The following PPARD variants were observed in gnomAD, a reference collection of about 807,000 sequenced individuals.
PPARD encodes peroxisome proliferator activated receptor delta, also known as peroxisome proliferator-activated receptor delta.
PPARD carries 6 observed loss-of-function variants against 39.5 expected under a neutral mutation model. The ratio of observed to expected loss-of-function variants is 0.15; its 90% CI spans 0.08 to 0.30. The LOEUF is 0.30. Ranked by LOEUF, PPARD falls within the 10% of genes least tolerant of loss-of-function variation. PPARD has a pLI of 1.00. For synonymous variants in PPARD, 210 were observed against 231.3 expected (o/e 0.91, Z 0.83); for missense variants, 397 against 596.8 (o/e 0.67, Z 3.49).
chr6:35,357,116 A>G (rs189880773), intron 2 of PPARD, among the ~76,000 whole-genome samples: 3 of 152,316 alleles, frequency 2.0e-5, no homozygotes, highest in Non-Finnish European at 2.9e-5. Flanking sequence ...CAGAGGTGCC[A>G]TGTAGACTAG....
chr6:35,396,081 T>C (rs1181856185), intron 2 of PPARD, among the ~76,000 whole-genome samples: 1 of 149,262 alleles, frequency 6.7e-6, no homozygotes, highest in African/African-American at 2.6e-5. Flanking sequence ...TGCCTCCCTG[T>C]CTCCTTCTTT....
intron 2 of PPARD, among the ~76,000 whole-genome samples, chr6:35,394,003 A>G (rs1345212233): frequency 6.6e-6 from 1 of 151,918 alleles, no homozygotes; most frequent in East Asian, 1.9e-4. Context: ...CATTTACAAG[A>G]CTCCTGACTC....
In PPARD at chr6:35,347,093, G is replaced by A. The variant is rs1022519035; in HGVS notation, c.-159G>A. 16 of 1,535,860 alleles carry A rather than the reference G, an allele frequency of 1.0e-5. 1 individual carries two copies. Among genetic ancestry groups the A allele is most frequent in the South Asian group, 4.8e-5 (4 of 84,048 alleles). On this transcript the variant is annotated 5_prime_UTR_variant, in exon 2 of 8. It adds an upstream start codon to the 5' untranslated region. Transcript: ENST00000360694. ...GTTGTACAGTGTTTTGGGCATGCAC[G>A]TGATACTCACACAGTGGCTTCTGCT... is the stretch of plus-strand genomic sequence containing the variant.
At chr6:35,374,325 GT>G (rs1474593852) in intron 2 of PPARD, among the ~76,000 whole-genome samples, 2 of 148,994 alleles carry the variant, frequency 1.3e-5, no homozygotes, top group Non-Finnish European at 2.9e-5. Context: ...GGGGGGTTTA[GT>G]GGGCAATTGC....
chr6:35,359,441 A>C (rs943741801), intron 2 of PPARD, among the ~76,000 whole-genome samples: 22 of 152,124 alleles, frequency 1.4e-4, no homozygotes, highest in African/African-American at 5.3e-4. Flanking sequence ...TGAATGATGA[A>C]AGCAGTTCCA....
intron 1 of PPARD, among the ~76,000 whole-genome samples, chr6:35,346,546 G>A (rs1792196166): frequency 6.6e-6 from 1 of 152,204 alleles, no homozygotes; most frequent in African/African-American, 2.4e-5. Flanking sequence ...GGAGCTGCTT[G>A]CAACAGCTGG....
At chr6:35,410,883 AAGAACCC>A in intron 2 of PPARD, 97 bp from the exon 3 acceptor site, 3 of 1,226,840 alleles carry the variant, frequency 2.4e-6, no homozygotes, top group Admixed American at 4.2e-5. Flanking sequence ...GCAGGAGCAG[AAGAACCC>A]CCTCCATGAC....
At chr6:35,384,229 C>A (rs1270813035) in intron 2 of PPARD, among the ~76,000 whole-genome samples, 2 of 138,234 alleles carry the variant, frequency 1.4e-5, no homozygotes, top group Non-Finnish European at 3.1e-5. Flanking sequence ...GGTCAGCCCC[C>A]CGCCCGGCCA....
At chr6:35,415,293 T>G (rs1765682693) in intron 3 of PPARD, among the ~76,000 whole-genome samples, 1 of 152,206 alleles carries the variant, frequency 6.6e-6, no homozygotes, top group Non-Finnish European at 1.5e-5. Flanking sequence ...CTCAAATCCC[T>G]GCAGAATTTG....
chr6:35,356,917 TG>T (rs1383047044), intron 2 of PPARD, among the ~76,000 whole-genome samples: 2 of 152,226 alleles, frequency 1.3e-5, no homozygotes, highest in Non-Finnish European at 2.9e-5. Context: ...TTGAGGGCTT[TG>T]GGGAGGAGTG....
chr6:35,391,392 A>C (rs922438185), intron 2 of PPARD, among the ~76,000 whole-genome samples: 3 of 152,208 alleles, frequency 2.0e-5, no homozygotes, highest in Non-Finnish European at 2.9e-5. Flanking sequence ...CACATTCCAT[A>C]TCTGTTGGAT....
chr6:35,368,635 G>A (rs1161221449), intron 2 of PPARD, among the ~76,000 whole-genome samples: 2 of 152,190 alleles, frequency 1.3e-5, no homozygotes, highest in Non-Finnish European at 2.9e-5. Context: ...ATTTCAGAAA[G>A]ATGCCTTTGA....
chr6:35,343,119 C>G (rs1413451005), intron 1 of PPARD, among the ~76,000 whole-genome samples: 1 of 152,004 alleles, frequency 6.6e-6, no homozygotes, highest in Non-Finnish European at 1.5e-5. Flanking sequence ...CCCTATCTAG[C>G]GAGAGTCTTC....
intron 1 of PPARD, among the ~76,000 whole-genome samples, chr6:35,343,488 A>G (rs564259161): frequency 7.3e-6 from 1 of 136,988 alleles, no homozygotes; most frequent in Admixed American, 6.9e-5. Flanking sequence ...TTAGCTCCAC[A>G]CTCTACTCTA....
chr6:35,385,136 G>A lies in PPARD; in HGVS notation c.-101-25851G>A, dbSNP rs1376122876. ...GGCCACCACCCCGTCTGGGAGGTGT[G>A]CCCAACAGCTCATTGAGAACGGGCC... On this transcript the variant is annotated intron_variant, in intron 2 of 7. Transcript: ENST00000360694. Among the ~76,000 whole-genome samples, 535 of 145,492 alleles carry A rather than the reference G, an allele frequency of 3.7e-3. 4 individuals carry two copies. The highest frequency in any genetic ancestry group is 0.012 in the African/African-American group (458 of 37,534).
At chr6:35,421,215 G>A (rs1209640366) in intron 4 of PPARD, among the ~76,000 whole-genome samples, 1 of 151,862 alleles carries the variant, frequency 6.6e-6, no homozygotes. Flanking sequence ...CACCCACCTC[G>A]GCCTCCCAAA....
At chr6:35,355,611 T>C (rs1761555413) in intron 2 of PPARD, among the ~76,000 whole-genome samples, 1 of 111,556 alleles carries the variant, frequency 9.0e-6, no homozygotes, top group Admixed American at 8.6e-5. Context: ...TTTTTTTTTT[T>C]TTTTTTTTTT....
intron 2 of PPARD, among the ~76,000 whole-genome samples, chr6:35,384,864 G>A (rs1469187524): frequency 9.4e-6 from 1 of 106,868 alleles, no homozygotes; most frequent in Non-Finnish European, 1.9e-5. Context: ...CTGGCCAGCC[G>A]CCCCGTCTGG....
chr6:35,426,517 G>T lies in PPARD; in HGVS notation c.*438G>T. 5.6e-6 allele frequency: 1 copy of T among 178,194 alleles called. No individual in the cohort carries two copies. The highest frequency in any genetic ancestry group is 1.2e-5 in the Non-Finnish European group (1 of 84,622). The allele number at this position is 178,194 out of a possible 1,614,324, so 11.0% of individuals were successfully genotyped here. On this transcript the variant is annotated 3_prime_UTR_variant, in exon 8 of 8. Transcript: ENST00000360694. The stretch of plus-strand genomic sequence containing the variant: ...CCAGGAGCAGAAGAGAGTGGGGCCT[G>T]CCCTCTGCCCCATCATTGCACCTGC...
Sources: gnomAD v4.1 joint callset for allele counts (sites outside exome capture counted in the v4.1 genomes callset) on GRCh38, gnomAD v4.1.1 for gene constraint, MANE v1.5 for transcripts, NCBI Gene and HGNC (gene_info 2026-07-23, HGNC 2026-07-21) for gene names.